PLK1: variants seen among roughly 807,000 people sequenced by gnomAD.
PLK1 encodes the protein polo like kinase 1.
Under a neutral mutation model 56.7 loss-of-function variants are expected in PLK1, and 6 were observed. The ratio of observed to expected loss-of-function variants is 0.11; its 90% CI spans 0.06 to 0.21. PLK1 has a LOEUF of 0.21. PLK1 is among the 10% of genes least tolerant of loss of function. The pLI, the probability that PLK1 is intolerant of heterozygous loss-of-function variation, is 1.00. For synonymous variants in PLK1, 298 were observed against 325.0 expected (o/e 0.92, Z 0.89); for missense variants, 546 against 814.4 (o/e 0.67, Z 4.01).
At position 23,680,126 on chromosome 16, in the gene PLK1, C is replaced by G. The variant is rs767675632; in HGVS notation, c.451C>G (p.Pro151Ala). The stretch of plus-strand genomic sequence containing the variant: ...CAAGAGGAGGAAAGCCCTGACTGAG[C>G]CTGAGGCCCGATACTACCTACGGCA... Reference protein sequence around the residue: ...LHKRRKALTEPEARYYLRQIV... With the variant: ...LHKRRKALTEAEARYYLRQIV... Residue 151 changes from proline (P) to alanine (A), a missense_variant, in exon 2 of 10, where the codon CCT becomes GCT. Around this residue, in one of 7 missense-constraint regions of PLK1, gnomAD observed 111 missense variants for 211.8 expected, o/e 0.52. Transcript: ENST00000300093. The G allele has an allele frequency of 2.5e-6, 4 of 1,614,046 alleles. No individual in the cohort carries two copies. The highest frequency in any genetic ancestry group is 1.7e-5 in the Admixed American group (1 of 60,012).
Position 23,689,660 on chromosome 16 carries a change from A to C in PLK1, c.1592A>C (p.Gln531Pro). The C allele has an allele frequency of 6.2e-7, 1 of 1,605,104 alleles. No homozygotes were observed. The highest frequency in any genetic ancestry group is 8.5e-7 in the Non-Finnish European group (1 of 1,175,378). Residue 531 changes from glutamine to proline, a missense_variant, in exon 9 of 10, where the codon CAG (glutamine) becomes CCG (proline). Physicochemically the swap from Gln to Pro is moderately conservative, Grantham distance 76 (BLOSUM62 -1). Transcript: ENST00000300093. The surrounding 1 kb of genome is among the most constrained non-coding windows in gnomAD (Gnocchi z 4.8). Reference protein sequence around the residue: ...IILHLSNGSVQINFFQDHTKL... With the variant: ...IILHLSNGSVPINFFQDHTKL... ...CTGCACCTCAGCAACGGCAGCGTGC[A>C]GATCAACTTCTTCCAGGTGAGCTGG...
intron 5 of PLK1, among the ~76,000 whole-genome samples, chr16:23,685,722 AT>A (rs1161858168): frequency 1.7e-4 from 25 of 149,432 alleles, no homozygotes; most frequent in African/African-American, 4.9e-4. Context: ...AAAAAAAAAA[AT>A]TTTTTTTTTG....
chr16:23,690,126 G>C lies in PLK1; in HGVS notation c.*63G>C. ...CCCACCTGCATCTGGGGCCCATACT[G>C]GTTGGCTCCCGCGGTGCCATGTCTG... On this transcript the variant is annotated 3_prime_UTR_variant, in exon 10 of 10. Transcript: ENST00000300093. 1.5e-6 allele frequency: 2 copies of C among 1,346,368 alleles called. No individual in the cohort carries two copies. 83.4% of individuals were successfully genotyped at this position (1,346,368 alleles called of 1,614,324 possible). A position where few individuals can be genotyped will look rare whatever the true frequency, so the allele number is the denominator to read the frequency against.
rs114601938 is a variant in PLK1 at position 23,690,301 on chromosome 16, A to G, written c.*238A>G. The stretch of plus-strand genomic sequence containing the variant: ...AACCCCACCATATGAATTGTACAGA[A>G]TATTTCTATTGAATTCGGAACTGTC... On this transcript the variant is annotated 3_prime_UTR_variant, in exon 10 of 10. Coordinates refer to ENST00000300093, the MANE Select transcript of PLK1 (RefSeq NM_005030.6). The G allele has an allele frequency of 3.6e-3, 2,135 of 588,008 alleles. 34 individuals carry two copies. Among genetic ancestry groups the G allele is most frequent in the African/African-American group, 0.035 (1,905 of 53,868 alleles). The allele number at this position is 588,008 out of a possible 1,614,324, so 36.4% of individuals were successfully genotyped here.
In PLK1 at chr16:23,687,447, CCT is replaced by C. The variant is rs775736007; in HGVS notation, c.1037-21_1037-20del. The C allele has an allele frequency of 1.5e-5, 23 of 1,534,064 alleles. No individual in the cohort carries two copies. Among genetic ancestry groups the C allele is most frequent in the East Asian group, 2.4e-5 (1 of 41,488 alleles). ...GGAGTCCCGTGCCCTTCCCAACGCC[CCT>C]GTTTTTGTCACCTTCCTAGGCTTGG... On this transcript the variant is annotated intron_variant, in intron 5 of 9. Transcript: ENST00000300093.
intron 4 of PLK1, 123 bp from the exon 5 acceptor site, chr16:23,683,747 A>G (rs545346725): frequency 1.3e-6 from 1 of 756,658 alleles, no homozygotes; most frequent in East Asian, 2.4e-5. Flanking sequence ...TGAACCACTG[A>G]CCTGTGGTGT....
Position 23,689,408 on chromosome 16 carries a change from C to T in PLK1, c.1425+16C>T, listed in dbSNP as rs1309265220. The T allele has an allele frequency of 6.2e-7, 1 of 1,603,784 alleles. No individual in the cohort carries two copies. Among genetic ancestry groups the T allele is most frequent in the East Asian group, 2.2e-5 (1 of 44,524 alleles). ...GATGAAGAAGGTGAGTGCCGTCCGGCCCATGGGGGGTGGTGTTGCAGAAGT... is the reference window on the plus strand; with the variant it reads ...GATGAAGAAGGTGAGTGCCGTCCGGTCCATGGGGGGTGGTGTTGCAGAAGT... On this transcript the variant is annotated intron_variant, in intron 8 of 9. Coordinates refer to ENST00000300093, the MANE Select transcript of PLK1 (RefSeq NM_005030.6). This position sits in a 1 kb window ranked among gnomAD's most constrained non-coding sequence, Gnocchi z 4.8.
Position 23,689,165 on chromosome 16 carries a change from TGTGCCACCACG to T in PLK1, c.1271-72_1271-62del, listed in dbSNP as rs1294967179. Reference sequence around the variant, plus strand: ...TCCCAAAGTGCTGGAATCACAGGCATGTGCCACCACGCCCGGTCCCACTCCCCACTTTCTAT... The same window carrying T: ...TCCCAAAGTGCTGGAATCACAGGCATCCCGGTCCCACTCCCCACTTTCTAT... On this transcript the variant is annotated intron_variant, in intron 7 of 9. Coordinates refer to ENST00000300093, the MANE Select transcript of PLK1 (RefSeq NM_005030.6). The surrounding 1 kb of genome is among the most constrained non-coding windows in gnomAD (Gnocchi z 4.8). The T allele has an allele frequency of 1.4e-5, 19 of 1,368,210 alleles. No individual in the cohort carries two copies. Among genetic ancestry groups the T allele is most frequent in the Non-Finnish European group, 2.0e-5 (19 of 973,000 alleles). 84.8% of individuals were successfully genotyped at this position (1,368,210 alleles called of 1,614,324 possible). A position where few individuals can be genotyped will look rare whatever the true frequency, so the allele number is the denominator to read the frequency against.
intron 4 of PLK1, among the ~76,000 whole-genome samples, chr16:23,682,697 T>TAA (rs1959353794): frequency 6.7e-6 from 1 of 150,296 alleles, no homozygotes; most frequent in African/African-American, 2.4e-5. Flanking sequence ...TTTTTTTTTT[T>TAA]TTTTTTGTAT....
rs951531700 is a variant in PLK1 at position 23,683,267 on chromosome 16, C to T, written c.817-603C>T. Among the ~76,000 whole-genome samples the T allele has an allele frequency of 3.9e-5, 6 of 152,128 alleles. No homozygotes were observed. The East Asian group carries it at 9.6e-4, about 24-fold the overall frequency. On this transcript the variant is annotated intron_variant, in intron 4 of 9. Transcript: ENST00000300093. ...TCGGACTCCCTAAGTGCTGAGATTA[C>T]AGGCGTGAGCCACCGCGCCCGGCCA...
In PLK1 at chr16:23,689,149, G is replaced by T. The variant is rs1382805499; in HGVS notation, c.1271-89G>T. 7 of 1,203,530 alleles carry T rather than the reference G, an allele frequency of 5.8e-6. No homozygotes were observed. In the East Asian group the frequency reaches 1.2e-4, roughly 20 times the overall value. The allele number at this position is 1,203,530 out of a possible 1,614,324, so 74.6% of individuals were successfully genotyped here. A position where few individuals can be genotyped will look rare whatever the true frequency, so the allele number is the denominator to read the frequency against. On this transcript the variant is annotated intron_variant, in intron 7 of 9. Transcript: ENST00000300093. The surrounding 1 kb of genome is among the most constrained non-coding windows in gnomAD (Gnocchi z 4.8). ...TCCTCCTCCCTCAGCCTCCCAAAGT[G>T]CTGGAATCACAGGCATGTGCCACCA...
At chr16:23,686,043 A>AT (rs1280612523) in intron 5 of PLK1, among the ~76,000 whole-genome samples, 4 of 151,870 alleles carry the variant, frequency 2.6e-5, no homozygotes, top group South Asian at 2.1e-4. Context: ...GCTTTTATTT[A>AT]TTTTTTTAAA....
At chr16:23,682,967 C>CATAGTTGTG (rs1959359482) in intron 4 of PLK1, among the ~76,000 whole-genome samples, 1 of 148,718 alleles carries the variant, frequency 6.7e-6, no homozygotes, top group Non-Finnish European at 1.5e-5. Flanking sequence ...TTCCTAATGG[C>CATAGTTGTG]ATAGTTGTGT....
chr16:23,688,607 G>C (rs570069218), intron 6 of PLK1, 61 bp from the exon 7 acceptor site: 1 of 1,310,450 alleles, frequency 7.6e-7, no homozygotes, highest in African/African-American at 1.4e-5. Flanking sequence ...GGCCACATGT[G>C]TGGAGCAGAG....
At chr16:23,687,382 A>T (rs1959444883) in intron 5 of PLK1, 87 bp from the exon 6 acceptor site, 1 of 1,130,800 alleles carries the variant, frequency 8.8e-7, no homozygotes, top group African/African-American at 1.6e-5. Flanking sequence ...AGTGGTAGCT[A>T]AGAGAATTTT....
intron 5 of PLK1, among the ~76,000 whole-genome samples, chr16:23,686,237 C>G (rs1303792599): frequency 6.6e-6 from 1 of 151,868 alleles, no homozygotes; most frequent in Non-Finnish European, 1.5e-5. Context: ...TGAGGTCTTG[C>G]CCACACTGGT....
chr16:23,679,268 C>T lies in PLK1; in HGVS notation c.336C>T (p.His112=), dbSNP rs755802528. 36 of 1,613,966 alleles carry T rather than the reference C, an allele frequency of 2.2e-5. 1 individual carries two copies. In the East Asian group the frequency reaches 7.8e-4, roughly 35 times the overall value. Residue 112 remains histidine (H), a synonymous_variant, in exon 1 of 10, where the codon CAC becomes CAT. Transcript: ENST00000300093. ...TTCACCGCAGCCTCGCCCACCAGCA[C>T]GTCGTAGGATTCCACGGCTTTTTCG... ...ISIHRSLAHQ[H]VVGFHGFFED...
intron 5 of PLK1, among the ~76,000 whole-genome samples, chr16:23,684,705 C>CT (rs1207781159): frequency 6.6e-6 from 1 of 151,774 alleles, no homozygotes; most frequent in Non-Finnish European, 1.5e-5. Context: ...TAAAAATTTC[C>CT]TTTTTTTTGT....
intron 4 of PLK1, among the ~76,000 whole-genome samples, chr16:23,682,444 C>T (rs1959346392): frequency 2.6e-5 from 4 of 151,328 alleles, no homozygotes; most frequent in Admixed American, 2.6e-4. Flanking sequence ...GGCAAAAGTG[C>T]TTAATCTTTA....
Sources: allele counts gnomAD v4.1 joint callset (sites outside exome capture counted in the v4.1 genomes callset), GRCh38; gene constraint gnomAD v4.1.1; regional missense constraint gnomAD v4.1.1; non-coding constraint Gnocchi (gnomAD v3.1); transcripts MANE v1.5; gene names NCBI Gene and HGNC (gene_info 2026-07-23, HGNC 2026-07-21).